Variants in ARHGEF10L observed in about 807,000 individuals in gnomAD.
The protein encoded by ARHGEF10L is rho guanine nucleotide exchange factor 10-like protein.
ARHGEF10L carries 69 observed loss-of-function variants against 141.2 expected under a neutral mutation model. That is an observed-to-expected ratio of 0.49 (90% CI 0.40 to 0.60). The LOEUF is 0.60. ARHGEF10L is among the 20% of genes least tolerant of loss of function. The pLI is 0.00. For synonymous variants in ARHGEF10L, 711 were observed against 718.5 expected (o/e 0.99, Z 0.17); for missense variants, 1,482 against 1,734.3 (o/e 0.85, Z 2.58).
chr1:17,660,255 G>T (rs978595295), intron 25 of ARHGEF10L, among the ~76,000 whole-genome samples: 1 of 152,190 alleles, frequency 6.6e-6, no homozygotes, highest in Non-Finnish European at 1.5e-5. Flanking sequence ...GCTGTGGTTC[G>T]GAGTCCCCCC....
At chr1:17,543,578 C>T (rs556019491) in intron 1 of ARHGEF10L, among the ~76,000 whole-genome samples, 11 of 150,200 alleles carry the variant, frequency 7.3e-5, no homozygotes, top group African/African-American at 2.2e-4. Context: ...AGTAAAACTC[C>T]GTCTCAAAAA....
rs561573014 is a variant in ARHGEF10L at position 17,607,993 on chromosome 1, G to C, written c.609+16G>C. On this transcript the variant is annotated intron_variant, in intron 7 of 28. Transcript: ENST00000361221. The surrounding 1 kb of genome is among the most constrained non-coding windows in gnomAD (Gnocchi z 4.5). ...CCAGCCCAAGGTGAGGGGACCGGGG[G>C]TGTCGCTCACCTCAGTCAGGGCACG... 7.2e-7 allele frequency: 1 copy of C among 1,385,708 alleles called. No individual in the cohort carries two copies. Among genetic ancestry groups the C allele is most frequent in the Non-Finnish European group, 9.4e-7 (1 of 1,061,812 alleles). The allele number at this position is 1,385,708 out of a possible 1,614,324, so 85.8% of individuals were successfully genotyped here. A position where few individuals can be genotyped will look rare whatever the true frequency, so the allele number is the denominator to read the frequency against.
intron 1 of ARHGEF10L, among the ~76,000 whole-genome samples, chr1:17,545,903 A>T (rs1487577161): frequency 6.6e-6 from 1 of 152,058 alleles, no homozygotes; most frequent in African/African-American, 2.4e-5. Flanking sequence ...TACCCAGGGG[A>T]GTTAATGTGT....
chr1:17,604,077 G>A (rs544560214), intron 6 of ARHGEF10L, among the ~76,000 whole-genome samples: 121 of 152,238 alleles, frequency 7.9e-4, no homozygotes, highest in Non-Finnish European at 1.4e-3. Flanking sequence ...TCACCTGATG[G>A]AAGAGAGGAC....
At position 17,673,187 on chromosome 1, in the gene ARHGEF10L, G is replaced by T. The variant is rs79748975; in HGVS notation, c.3009+8592G>T. Among the ~76,000 whole-genome samples, 1 of 152,136 alleles carries T rather than the reference G, an allele frequency of 6.6e-6. No individual in the cohort carries two copies. The highest frequency in any genetic ancestry group is 1.9e-4 in the East Asian group (1 of 5,190). ...ACATCGTGGAGAGGACATATGGGACGGGAGGTGAGGAAGGGGAGCTGGCAC... is the reference window on the plus strand; with the variant it reads ...ACATCGTGGAGAGGACATATGGGACTGGAGGTGAGGAAGGGGAGCTGGCAC... On this transcript the variant is annotated intron_variant, in intron 26 of 28. Transcript: ENST00000361221. The surrounding 1 kb of genome is among the most constrained non-coding windows in gnomAD (Gnocchi z 4.1).
At chr1:17,591,610 T>C (rs1252772625) in intron 4 of ARHGEF10L, among the ~76,000 whole-genome samples, 2 of 152,024 alleles carry the variant, frequency 1.3e-5, no homozygotes, top group Admixed American at 6.6e-5. Context: ...TGGGGTTTCA[T>C]CATGTTGGCC....
At chr1:17,634,645 G>A in intron 17 of ARHGEF10L, 83 bp downstream of exon 17, 3 of 1,561,210 alleles carry the variant, frequency 1.9e-6, no homozygotes, top group Non-Finnish European at 2.6e-6. Flanking sequence ...TATGGGGCTG[G>A]GGCCTGGGCG....
intron 9 of ARHGEF10L, among the ~76,000 whole-genome samples, chr1:17,618,076 T>A (rs1012547966): frequency 6.6e-6 from 1 of 152,162 alleles, no homozygotes; most frequent in Non-Finnish European, 1.5e-5. Flanking sequence ...TCAGTGAATG[T>A]CCATGTTCCC....
upstream of ARHGEF10L, among the ~76,000 whole-genome samples, chr1:17,538,065 T>TA (rs200253367): frequency 7.5e-4 from 112 of 149,836 alleles, no homozygotes; most frequent in South Asian, 1.7e-3. Context: ...CCCAGTCTCT[T>TA]AAAAAAAAAC....
chr1:17,516,975 C>T, the ARHGEF10L span, among the ~76,000 whole-genome samples: 6 of 152,208 alleles, frequency 3.9e-5, no homozygotes, highest in Non-Finnish European at 5.9e-5. Context: ...AATTCTCCTG[C>T]ATGGTTGTAT....
intron 1 of ARHGEF10L, among the ~76,000 whole-genome samples, chr1:17,540,434 CAGG>C (rs1057480095): frequency 3.9e-5 from 6 of 152,076 alleles, no homozygotes; most frequent in Admixed American, 2.6e-4. Context: ...CGGCCTCCTG[CAGG>C]AGGAGACTGT....
At chr1:17,649,921 G>A (rs562421265) in intron 22 of ARHGEF10L, among the ~76,000 whole-genome samples, 12 of 152,300 alleles carry the variant, frequency 7.9e-5, no homozygotes, top group African/African-American at 2.2e-4. Flanking sequence ...GAGAGAGGGC[G>A]GGCCCCGAGG....
chr1:17,532,637 C>T, the ARHGEF10L span, among the ~76,000 whole-genome samples: 18 of 151,076 alleles, frequency 1.2e-4, no homozygotes, highest in South Asian at 2.1e-4. Flanking sequence ...CTCTGTTGCC[C>T]GGGCTGGAGT....
At chr1:17,580,676 AG>A (rs749455054) in intron 2 of ARHGEF10L, 44 bp downstream of exon 2, 24 of 1,613,356 alleles carry the variant, frequency 1.5e-5, no homozygotes, top group Non-Finnish European at 1.9e-5. Context: ...CTTTCTTAGA[AG>A]GGGGCCGCTG....
rs374512236 is a variant in ARHGEF10L, at chr1:17,589,636, A to T, written c.257+1157A>T. ...GGGGAGGGTTTCTCCTGAGCTTGCT[A>T]CTATGTAATTAAGGTGAGAATTAGA... On this transcript the variant is annotated intron_variant, in intron 4 of 28. Transcript: ENST00000361221. Among the ~76,000 whole-genome samples, 5 of 152,282 alleles carry T rather than the reference A, an allele frequency of 3.3e-5. 1 individual carries two copies.
intron 15 of ARHGEF10L, among the ~76,000 whole-genome samples, chr1:17,631,313 T>C (rs1408091948): frequency 6.6e-6 from 1 of 152,150 alleles, no homozygotes; most frequent in Non-Finnish European, 1.5e-5. Flanking sequence ...TCCCAGGGTG[T>C]CCCTGGATGG....
At chr1:17,614,679 C>T (rs6672746) in intron 8 of ARHGEF10L, among the ~76,000 whole-genome samples, 1,896 of 151,512 alleles carry the variant, frequency 0.013, 30 homozygotes, top group Non-Finnish European at 0.018. Flanking sequence ...TCTATGATTA[C>T]TCCCCTTGCC....
Position 17,613,071 on chromosome 1 carries a change from T to C in ARHGEF10L, c.623T>C (p.Leu208Pro). 6.2e-7 allele frequency: 1 copy of C among 1,613,810 alleles called. No homozygotes were observed. Residue 208 changes from leucine (L) to proline (P), a missense_variant, in exon 8 of 29, where the codon CTG becomes CCG. Physicochemically the swap from Leu to Pro is moderately conservative, Grantham distance 98. This residue lies in a region of ARHGEF10L where 392 missense variants were observed against 542.1 expected (regional missense o/e 0.72). Transcript: ENST00000361221. ...VSFQPKLSPDLTRLKERYART... is the reference protein window; with the variant it reads ...VSFQPKLSPDPTRLKERYART... ...TTGGGGCTCCAGCTTTCTCCAGACC[T>C]GACTAGGCTAAAGGAGAGATACGCC...
chr1:17,621,835 G>A lies in ARHGEF10L; in HGVS notation c.943-29G>A. 6.2e-7 allele frequency: 1 copy of A among 1,610,360 alleles called. No individual in the cohort carries two copies. Among genetic ancestry groups the A allele is most frequent in the Non-Finnish European group, 8.5e-7 (1 of 1,176,656 alleles). On this transcript the variant is annotated intron_variant, in intron 10 of 28. Transcript: ENST00000361221. The surrounding 1 kb of genome is among the most constrained non-coding windows in gnomAD (Gnocchi z 4.1). ...GGGCCCTGTGCAGCAGGTGTCATGT[G>A]CGCTGACCGTGCTTTTTGGCCCGAG... is the stretch of plus-strand genomic sequence containing the variant.
Sources: allele counts gnomAD v4.1 joint callset (sites outside exome capture counted in the v4.1 genomes callset), GRCh38; gene constraint gnomAD v4.1.1; regional missense constraint gnomAD v4.1.1; non-coding constraint Gnocchi (gnomAD v3.1); transcripts MANE v1.5; gene names NCBI Gene and HGNC (gene_info 2026-07-23, HGNC 2026-07-21).